The following SLC25A51 variants were observed in gnomAD, a reference collection of about 807,000 sequenced individuals.
SLC25A51 encodes mitochondrial nicotinamide adenine dinucleotide transporter SLC25A51.
SLC25A51 carries 11 observed loss-of-function variants against 19.1 expected under a neutral mutation model. That is an observed-to-expected ratio of 0.58 (90% CI 0.36 to 0.96). The LOEUF (loss-of-function observed/expected upper bound fraction) is 0.96, where lower values mean the gene tolerates loss of function less well. Ranked by LOEUF, SLC25A51 falls within the 40% of genes least tolerant of loss-of-function variation. SLC25A51 has a pLI of 0.01. For missense variants in SLC25A51, 201 were observed against 365.4 expected, an observed-to-expected ratio of 0.55 and a Z score of 3.67; for synonymous variants, 105 against 133.6, an observed-to-expected ratio of 0.79 and a Z score of 1.47.
Position 37,899,260 on chromosome 9 carries a change from T to C in SLC25A51, c.-43+569A>G, listed in dbSNP as rs139873061. Among the ~76,000 whole-genome samples the C allele has an allele frequency of 1.7e-3, 261 of 152,386 alleles. 1 individual carries two copies. The highest frequency in any genetic ancestry group is 5.9e-3 in the African/African-American group (247 of 41,590). ...CATATTTCTTGGTGATTACTCACTC[T>C]TGCAATATGTGGATAAATGCTACTT... On this transcript the variant is annotated intron_variant, in intron 2 of 2. Coordinates refer to ENST00000242275, the MANE Select transcript of SLC25A51 (RefSeq NM_033412.4).
intron 2 of SLC25A51, among the ~76,000 whole-genome samples, chr9:37,893,650 C>T (rs1347966741): frequency 6.6e-6 from 1 of 152,114 alleles, no homozygotes; most frequent in African/African-American, 2.4e-5. Flanking sequence ...AAATTACTTC[C>T]GATTTTGGCA....
intron 2 of SLC25A51, among the ~76,000 whole-genome samples, chr9:37,898,096 T>G (rs907379228): frequency 2.6e-5 from 4 of 152,208 alleles, no homozygotes; most frequent in African/African-American, 9.7e-5. Context: ...CTATTAACTA[T>G]GAAATTGTGC....
chr9:37,894,618 C>T (rs1218493845), intron 2 of SLC25A51, among the ~76,000 whole-genome samples: 2 of 152,062 alleles, frequency 1.3e-5, no homozygotes, highest in Admixed American at 6.6e-5. Flanking sequence ...GAGCCACTGG[C>T]CTGGCCTTTT....
chr9:37,901,206 G>C (rs1327628333), intron 1 of SLC25A51, among the ~76,000 whole-genome samples: 1 of 152,012 alleles, frequency 6.6e-6, no homozygotes, highest in Non-Finnish European at 1.5e-5. Context: ...GTCTCACTCT[G>C]TTGCCCAGGC....
At chr9:37,899,500 G>T (rs1418831504) in intron 2 of SLC25A51, among the ~76,000 whole-genome samples, 1 of 152,032 alleles carries the variant, frequency 6.6e-6, no homozygotes, top group East Asian at 1.9e-4. Context: ...TCCCAGCTGG[G>T]ACCACACACG....
chr9:37,899,545 TG>T (rs1306832590), intron 2 of SLC25A51, among the ~76,000 whole-genome samples: 1 of 152,164 alleles, frequency 6.6e-6, no homozygotes, highest in Non-Finnish European at 1.5e-5. Context: ...TTCACTTTTT[TG>T]TAGAGACAGG....
downstream of SLC25A51, chr9:37,885,665 G>C: frequency 9.4e-7 from 1 of 1,059,250 alleles, no homozygotes; most frequent in Non-Finnish European, 1.5e-6. Flanking sequence ...AACCCCAAAG[G>C]AGTTGCCCGA....
chr9:37,877,915 G>C (rs1458523920), downstream of SLC25A51, among the ~76,000 whole-genome samples: 2 of 152,168 alleles, frequency 1.3e-5, no homozygotes, highest in African/African-American at 4.8e-5. Flanking sequence ...TGCTGAGATG[G>C]GAGGATCGCT....
Position 37,888,027 on chromosome 9 carries a change from C to T in SLC25A51, c.524G>A (p.Gly175Asp). 3.7e-6 allele frequency: 6 copies of T among 1,612,746 alleles called. No individual in the cohort carries two copies. The highest frequency in any genetic ancestry group is 4.2e-6 in the Non-Finnish European group (5 of 1,179,850). The change falls in exon 3 of 3, where the codon GGC (glycine) becomes GAC (aspartate). Residue 175 changes from glycine to aspartate, a missense_variant. Transcript: ENST00000242275. ...ATTCCGGAAAAGAATGGGCACCAAG[C>T]CTCGATAATACTCTCCAATTCCATG... ...KCHGIGEYYR[G>D]LVPILFRNGL...
chr9:37,895,321 C>T (rs917974532), intron 2 of SLC25A51, among the ~76,000 whole-genome samples: 2 of 151,784 alleles, frequency 1.3e-5, no homozygotes, highest in African/African-American at 2.4e-5. Flanking sequence ...CCTGCCTCAG[C>T]CTCCTGAGTA....
intron 2 of SLC25A51, among the ~76,000 whole-genome samples, chr9:37,892,171 T>C (rs1190688751): frequency 4.6e-5 from 7 of 152,160 alleles, no homozygotes; most frequent in African/African-American, 1.7e-4. Context: ...AGGCAAATAA[T>C]TAGACAACAG....
At chr9:37,890,683 A>T (rs1369277840) in intron 2 of SLC25A51, among the ~76,000 whole-genome samples, 2 of 150,256 alleles carry the variant, frequency 1.3e-5, no homozygotes, top group African/African-American at 4.9e-5. Context: ...GTGACAGAGT[A>T]ATACCCTGCT....
At chr9:37,889,801 TA>T (rs1334484689) in intron 2 of SLC25A51, among the ~76,000 whole-genome samples, 1 of 150,486 alleles carries the variant, frequency 6.6e-6, no homozygotes, top group Non-Finnish European at 1.5e-5. Context: ...CCTCCTTCTG[TA>T]AAATGCATGA....
chr9:37,885,221 C>T (rs1035992767), downstream of SLC25A51, among the ~76,000 whole-genome samples: 1 of 151,786 alleles, frequency 6.6e-6, no homozygotes, highest in Non-Finnish European at 1.5e-5. Flanking sequence ...TGTTTCAATG[C>T]AGGCGATTTC....
In SLC25A51 at chr9:37,887,944, T is replaced by C. The variant is rs757259514; in HGVS notation, c.607A>G (p.Thr203Ala). The change falls in exon 3 of 3, where the codon ACC (threonine) becomes GCC (alanine). Residue 203 changes from threonine (T) to alanine (A), a missense_variant. By Grantham distance (58) the Thr-to-Ala change is moderately conservative. Coordinates refer to ENST00000242275, the MANE Select transcript of SLC25A51 (RefSeq NM_033412.4). ...LRGPIKEHLP[T>A]ATTHSAHLVN... ...AGATGAGCACTGTGAGTCGTTGCGGTAGGCAGATGCTCCTTAATGGGACCT... is the reference window on the plus strand; with the variant it reads ...AGATGAGCACTGTGAGTCGTTGCGGCAGGCAGATGCTCCTTAATGGGACCT... The C allele has an allele frequency of 6.2e-7, 1 of 1,611,966 alleles. No individual in the cohort carries two copies. The highest frequency in any genetic ancestry group is 1.7e-5 in the Admixed American group (1 of 60,010).
At chr9:37,892,415 T>C (rs1361471609) in intron 2 of SLC25A51, among the ~76,000 whole-genome samples, 3 of 152,204 alleles carry the variant, frequency 2.0e-5, no homozygotes, top group Non-Finnish European at 2.9e-5. Flanking sequence ...AGGTTACTTG[T>C]GTATGCCCTG....
chr9:37,899,058 TTC>T (rs367878950), intron 2 of SLC25A51, among the ~76,000 whole-genome samples: 9 of 152,342 alleles, frequency 5.9e-5, no homozygotes, highest in African/African-American at 2.2e-4. Context: ...CTATAGCTTA[TTC>T]TCTTTATAAA....
Position 37,887,890 on chromosome 9 carries a change from A to G in SLC25A51, c.661T>C (p.Leu221=), listed in dbSNP as rs771666313. The stretch of plus-strand genomic sequence containing the variant: ...AACAAGAATCCCAACATGGCACCCA[A>G]TAGACCTCCACAGATAAAATCATTG... The part of the protein sequence containing the change: ...LVNDFICGGL[L]GAMLGFLFFP... Residue 221 remains leucine (L), a synonymous_variant, in exon 3 of 3, where the codon TTG becomes CTG. Coordinates refer to ENST00000242275, the MANE Select transcript of SLC25A51 (RefSeq NM_033412.4). The G allele has an allele frequency of 9.3e-6, 15 of 1,611,936 alleles. No homozygotes were observed. The highest frequency in any genetic ancestry group is 8.9e-5 in the East Asian group (4 of 44,894).
intron 1 of SLC25A51, among the ~76,000 whole-genome samples, chr9:37,900,484 C>T (rs1426376999): frequency 1.3e-5 from 2 of 151,968 alleles, no homozygotes; most frequent in African/African-American, 4.8e-5. Context: ...CTTGTTCTGT[C>T]ACCCAGACTG....
Sources: allele counts gnomAD v4.1 joint callset (sites outside exome capture counted in the v4.1 genomes callset), GRCh38; gene constraint gnomAD v4.1.1; transcripts MANE v1.5; gene names NCBI Gene and HGNC (gene_info 2026-07-23, HGNC 2026-07-21).